Variants in CPNE9 observed in about 807,000 individuals in gnomAD.
CPNE9 encodes copine-9.
CPNE9 carries 59 observed loss-of-function variants against 83.0 expected under a neutral mutation model. That is an observed-to-expected ratio of 0.71 (90% CI 0.58 to 0.88). CPNE9 has a LOEUF of 0.88. CPNE9 is among the 40% of genes least tolerant of loss of function. The pLI, the probability that CPNE9 is intolerant of heterozygous loss-of-function variation, is 0.00. For synonymous variants in CPNE9, 256 were observed against 273.4 expected (o/e 0.94, Z 0.63); for missense variants, 619 against 720.8 (o/e 0.86, Z 1.62).
In CPNE9 at chr3:9,704,599, C is replaced by A. The variant is rs1213975658; in HGVS notation, c.81C>A (p.Asp27Glu). ...TGCTTTTCTCTAGGAACCTGCTAGA[C>A]CTTGATACCTTCTCCAAGTCCGACC... Reference protein sequence around the residue: ...EITVSCRNLLDLDTFSKSDPM... With the variant: ...EITVSCRNLLELDTFSKSDPM... The change falls in exon 2 of 21, where the codon GAC (aspartate) becomes GAA (glutamate). Residue 27 changes from aspartate (D) to glutamate (E), a missense_variant. Physicochemically the swap from Asp to Glu is conservative, Grantham distance 45 (BLOSUM62 2). Around this residue, in one of 3 missense-constraint regions of CPNE9, gnomAD observed 130 missense variants for 117.5 expected, o/e 1.11. Transcript: ENST00000383832. This position sits in a 1 kb window ranked among gnomAD's most constrained non-coding sequence, Gnocchi z 7.1. 1.9e-6 allele frequency: 3 copies of A among 1,613,998 alleles called. No individual in the cohort carries two copies. The highest frequency in any genetic ancestry group is 2.5e-6 in the Non-Finnish European group (3 of 1,179,852).
At position 9,704,848 on chromosome 3, in the gene CPNE9, C is replaced by A; in HGVS notation, c.157-43C>A. On this transcript the variant is annotated intron_variant, in intron 3 of 20. Transcript: ENST00000383832. The surrounding 1 kb of genome is among the most constrained non-coding windows in gnomAD (Gnocchi z 7.1). The stretch of plus-strand genomic sequence containing the variant: ...AGGGCGTCGCCCGGGAATTCCCCTG[C>A]CCGTCTGCACGTCCCACGCTGACCC... 6.2e-7 allele frequency: 1 copy of A among 1,601,848 alleles called. No homozygotes were observed. Among genetic ancestry groups the A allele is most frequent in the Non-Finnish European group, 8.5e-7 (1 of 1,172,172 alleles).
intron 17 of CPNE9, among the ~76,000 whole-genome samples, chr3:9,719,226 A>G (rs1172937806): frequency 3.3e-5 from 5 of 152,194 alleles, no homozygotes; most frequent in South Asian, 2.1e-4. Context: ...ACCATTTTAT[A>G]TGACGGACTT....
chr3:9,724,719 C>CCTATCTATCTATCTAT (rs56320778), intron 17 of CPNE9, among the ~76,000 whole-genome samples: 1 of 146,818 alleles, frequency 6.8e-6, no homozygotes, highest in South Asian at 2.2e-4. Context: ...ACATCAGGAT[C>CCTATCTATCTATCTAT]CTATCTATCT....
Position 9,729,849 on chromosome 3 carries a change from G to A in CPNE9, c.*157G>A. On this transcript the variant is annotated 3_prime_UTR_variant, in exon 21 of 21. Transcript: ENST00000383832. ...CCCTCCGCCTCCTTGCCTGCAGAGG[G>A]CCTGGCACTATCACCACCTCTCTGC... 1 of 1,043,558 alleles carries A rather than the reference G, an allele frequency of 9.6e-7. No homozygotes were observed. The highest frequency in any genetic ancestry group is 1.6e-5 in the African/African-American group (1 of 62,482). The allele number at this position is 1,043,558 out of a possible 1,614,324, so 64.6% of individuals were successfully genotyped here. A position where few individuals can be genotyped will look rare whatever the true frequency, so the allele number is the denominator to read the frequency against.
chr3:9,727,315 C>A, intron 20 of CPNE9, 129 bp downstream of exon 20: 1 of 1,023,008 alleles, frequency 9.8e-7, no homozygotes, highest in Non-Finnish European at 1.5e-6. Context: ...CATCCTTTCT[C>A]ATTCATTGAA....
At chr3:9,718,729 G>A (rs1262497839) in intron 17 of CPNE9, 127 bp downstream of exon 17, 26 of 1,155,464 alleles carry the variant, frequency 2.3e-5, no homozygotes, top group Non-Finnish European at 3.0e-5. Context: ...GGCCAGGCAT[G>A]GTGGCTCATA....
In CPNE9 at chr3:9,718,025, A is replaced by G. The variant is rs2076700393; in HGVS notation, c.932-4A>G. On this transcript the variant is annotated splice_polypyrimidine_tract_variant and splice_region_variant and intron_variant, in intron 15 of 20. Transcript: ENST00000383832. ...ATGAGGCTGGGGTTCCTGTGTCCCT[A>G]CAGGGAATCCTCTGCAGCCTACCTC... 6.2e-7 allele frequency: 1 copy of G among 1,600,104 alleles called. No homozygotes were observed.
chr3:9,718,011 G>A lies in CPNE9; in HGVS notation c.932-18G>A. The stretch of plus-strand genomic sequence containing the variant: ...TGATCCAGATGATCATGAGGCTGGG[G>A]TTCCTGTGTCCCTACAGGGAATCCT... On this transcript the variant is annotated intron_variant, in intron 15 of 20. Coordinates refer to ENST00000383832, the MANE Select transcript of CPNE9 (RefSeq NM_153635.3). The A allele has an allele frequency of 6.3e-7, 1 of 1,584,170 alleles. No individual in the cohort carries two copies. Among genetic ancestry groups the A allele is most frequent in the Non-Finnish European group, 8.6e-7 (1 of 1,163,510 alleles).
chr3:9,704,647 G>A lies in CPNE9; in HGVS notation c.109+20G>A, dbSNP rs1032361546. ...ACCCCAGTAGGCGGCTCCAGGACCG[G>A]GAGGGGGAACTTGGGGTCTGGGCGC... On this transcript the variant is annotated intron_variant, in intron 2 of 20. Transcript: ENST00000383832. The surrounding 1 kb of genome is among the most constrained non-coding windows in gnomAD (Gnocchi z 7.1). 2 of 1,613,830 alleles carry A rather than the reference G, an allele frequency of 1.2e-6. No individual in the cohort carries two copies. Among genetic ancestry groups the A allele is most frequent in the East Asian group, 2.2e-5 (1 of 44,872 alleles).
At chr3:9,709,399 T>G (rs1328310529) in intron 7 of CPNE9, among the ~76,000 whole-genome samples, 2 of 147,200 alleles carry the variant, frequency 1.4e-5, no homozygotes, top group African/African-American at 5.0e-5. Context: ...AGTCTCACTC[T>G]GTCGCCCAGG....
rs192251363 is a variant in CPNE9, at chr3:9,716,619, C to T, written c.885-439C>T. 7.0e-4 allele frequency among the ~76,000 whole-genome samples: 106 copies of T among 152,216 alleles called. No individual in the cohort carries two copies. The Middle Eastern group carries it at 0.01, about 15-fold the overall frequency. On this transcript the variant is annotated intron_variant, in intron 14 of 20. Transcript: ENST00000383832. ...CCAAGTAGCTGGGATTACAGGCATG[C>T]GCCACCACGCCCGGCTAATTTTTTG...
rs1200098888 is a variant in CPNE9 at position 9,704,111 on chromosome 3, G to T, written c.68+47G>T. On this transcript the variant is annotated intron_variant, in intron 1 of 20. Transcript: ENST00000383832. This position sits in a 1 kb window ranked among gnomAD's most constrained non-coding sequence, Gnocchi z 7.1. ...GGGCTTAGGCACTGGCACTGCCCCA[G>T]CCCCAGCCAGCCGCGGGGCTCAGCC... The T allele has an allele frequency of 1.9e-6, 3 of 1,548,130 alleles. No individual in the cohort carries two copies. The highest frequency in any genetic ancestry group is 2.4e-5 in the East Asian group (1 of 41,452).
intron 7 of CPNE9, among the ~76,000 whole-genome samples, chr3:9,706,275 T>TTCTC (rs564819160): frequency 6.7e-6 from 1 of 150,362 alleles, no homozygotes; most frequent in African/African-American, 2.5e-5. Flanking sequence ...TTTTTTTTTT[T>TTCTC]TCTCTCTCTC....
rs1482782426 is a variant in CPNE9 at position 9,704,462 on chromosome 3, G to C, written c.69-125G>C. On this transcript the variant is annotated intron_variant, in intron 1 of 20. Transcript: ENST00000383832. This position sits in a 1 kb window ranked among gnomAD's most constrained non-coding sequence, Gnocchi z 7.1. ...GCTGACAGAGCGGACCCCGGCTGGGGGTAGCCATGGGGGACAGAGGTTCGA... is the reference window on the plus strand; with the variant it reads ...GCTGACAGAGCGGACCCCGGCTGGGCGTAGCCATGGGGGACAGAGGTTCGA... 1.2e-6 allele frequency: 1 copy of C among 846,968 alleles called. No homozygotes were observed. The highest frequency in any genetic ancestry group is 1.7e-5 in the Admixed American group (1 of 58,474). 52.5% of individuals were successfully genotyped at this position (846,968 alleles called of 1,614,324 possible). A position where few individuals can be genotyped will look rare whatever the true frequency, so the allele number is the denominator to read the frequency against.
chr3:9,715,258 C>G (rs1180168301), intron 11 of CPNE9, 31 bp from the exon 12 acceptor site: 2 of 1,606,020 alleles, frequency 1.2e-6, no homozygotes, highest in Non-Finnish European at 1.7e-6. Context: ...CCAGCAGCAC[C>G]TGCTGCTTAG....
At chr3:9,713,793 C>T (rs555335530) in intron 10 of CPNE9, among the ~76,000 whole-genome samples, 65 of 152,132 alleles carry the variant, frequency 4.3e-4, no homozygotes, top group Non-Finnish European at 6.2e-4. Flanking sequence ...TGGTAGGGGC[C>T]GGGCGCGGTG....
chr3:9,705,363 C>A, intron 4 of CPNE9, 101 bp from the exon 5 acceptor site: 1 of 896,788 alleles, frequency 1.1e-6, no homozygotes, highest in Non-Finnish European at 1.8e-6. Context: ...CACGGCCGCC[C>A]ATCCCTCCAC....
At chr3:9,709,425 G>A (rs2076601283) in intron 7 of CPNE9, among the ~76,000 whole-genome samples, 1 of 147,268 alleles carries the variant, frequency 6.8e-6, no homozygotes, top group African/African-American at 2.5e-5. Context: ...GTGCAGTGGT[G>A]TGGTGTGATC....
intron 10 of CPNE9, among the ~76,000 whole-genome samples, chr3:9,714,668 A>C (rs13086775): frequency 1.6e-5 from 2 of 126,754 alleles, no homozygotes; most frequent in East Asian, 2.4e-4. Flanking sequence ...AAAAAAAAAA[A>C]CCAACCAAAC....
Sources: allele counts gnomAD v4.1 joint callset (sites outside exome capture counted in the v4.1 genomes callset), GRCh38; gene constraint gnomAD v4.1.1; regional missense constraint gnomAD v4.1.1; non-coding constraint Gnocchi (gnomAD v3.1); transcripts MANE v1.5; gene names NCBI Gene and HGNC (gene_info 2026-07-23, HGNC 2026-07-21).